NCKAP5: variants seen among roughly 807,000 people sequenced by gnomAD.
NCKAP5 encodes the protein NCK associated protein 5.
In NCKAP5, 92 loss-of-function variants were observed where a neutral mutation model predicts 167.0. That is an observed-to-expected ratio of 0.55 (90% confidence interval 0.47 to 0.66). The LOEUF is 0.66. NCKAP5 is among the 30% of genes least tolerant of loss of function. The pLI, the probability that NCKAP5 is intolerant of heterozygous loss-of-function variation, is 0.00. For synonymous variants in NCKAP5, 891 were observed against 877.4 expected (o/e 1.02, Z -0.27); for missense variants, 2,378 against 2,315.0 (o/e 1.03, Z -0.56).
chr2:133,495,638 G>T (rs1007675267), intron 3 of NCKAP5, among the ~76,000 whole-genome samples: 1 of 152,096 alleles, frequency 6.6e-6, no homozygotes, highest in Non-Finnish European at 1.5e-5. Context: ...AAAAAGCTCC[G>T]AACTACTGAA....
intron 3 of NCKAP5, among the ~76,000 whole-genome samples, chr2:133,356,507 G>A (rs1684726646): frequency 6.6e-6 from 1 of 152,196 alleles, no homozygotes; most frequent in Non-Finnish European, 1.5e-5. Flanking sequence ...TCAATGGCAT[G>A]ATGTTGAAAA....
At chr2:132,954,515 A>G in intron 8 of NCKAP5, 1 of 365,012 alleles carries the variant, frequency 2.7e-6, no homozygotes, top group South Asian at 2.2e-5. Context: ...GAACATTATA[A>G]TATTGAAATA....
intron 16 of NCKAP5, among the ~76,000 whole-genome samples, chr2:132,764,801 C>T (rs944152090): frequency 6.6e-6 from 1 of 152,226 alleles, no homozygotes; most frequent in South Asian, 2.1e-4. Flanking sequence ...ATGTGACATT[C>T]GACTTAAGCA....
intron 5 of NCKAP5, among the ~76,000 whole-genome samples, chr2:133,199,563 C>A (rs766548583): frequency 1.3e-5 from 2 of 152,006 alleles, no homozygotes; most frequent in African/African-American, 4.8e-5. Flanking sequence ...ATAAAACTGA[C>A]TATTTCAAAT....
At chr2:132,774,089 A>G (rs1682336181) in intron 15 of NCKAP5, among the ~76,000 whole-genome samples, 195 bp from the exon 16 acceptor site, 1 of 152,170 alleles carries the variant, frequency 6.6e-6, no homozygotes, top group African/African-American at 2.4e-5. Flanking sequence ...GCACTCCATC[A>G]TTTGGCTTTA....
rs1689250249 is a variant in NCKAP5, at chr2:132,853,692, C to T, written c.807+6800G>A. Among the ~76,000 whole-genome samples the T allele has an allele frequency of 2.6e-5, 4 of 152,104 alleles. 1 individual carries two copies. In the South Asian group the frequency reaches 8.3e-4, roughly 32 times the overall value. On this transcript the variant is annotated intron_variant, in intron 11 of 19. Coordinates refer to ENST00000409261, the MANE Select transcript of NCKAP5 (RefSeq NM_207363.3). ...AATATGGAAACATCAGTCCCCCTGACCAAAGGCACATTCATATAATACAAT... is the reference window on the plus strand; with the variant it reads ...AATATGGAAACATCAGTCCCCCTGATCAAAGGCACATTCATATAATACAAT...
chr2:132,798,854 G>T (rs765383357), intron 11 of NCKAP5, among the ~76,000 whole-genome samples: 1 of 152,054 alleles, frequency 6.6e-6, no homozygotes, highest in Non-Finnish European at 1.5e-5. Context: ...AAGAAAGATG[G>T]AAAAACTTAA....
intron 8 of NCKAP5, among the ~76,000 whole-genome samples, chr2:132,938,020 C>T (rs368982180): frequency 6.6e-6 from 1 of 152,240 alleles, no homozygotes; most frequent in South Asian, 2.1e-4. Context: ...GTGGACTAAA[C>T]AAAGCTATTC....
chr2:133,294,294 G>A (rs754609788), intron 4 of NCKAP5, among the ~76,000 whole-genome samples: 8 of 152,222 alleles, frequency 5.3e-5, no homozygotes, highest in East Asian at 1.9e-4. Flanking sequence ...AATACTCGGC[G>A]TCCCCTTAGT....
At chr2:132,907,880 A>G (rs1694127697) in intron 8 of NCKAP5, among the ~76,000 whole-genome samples, 1 of 151,610 alleles carries the variant, frequency 6.6e-6, no homozygotes, top group South Asian at 2.1e-4. Context: ...GATGGTCTCG[A>G]TCTCCTGACC....
Position 133,016,240 on chromosome 2 carries a change from C to G in NCKAP5, c.342-22001G>C, listed in dbSNP as rs557272854. On this transcript the variant is annotated intron_variant, in intron 6 of 19. Transcript: ENST00000409261. ...GATCAATGCCAATGACCCTGAGGCC[C>G]AGGCCTACACACAAAAGAGCTTGGT... Among the ~76,000 whole-genome samples the G allele has an allele frequency of 2.0e-5, 3 of 152,256 alleles. No homozygotes were observed. The South Asian group carries it at 6.2e-4, about 32-fold the overall frequency.
intron 8 of NCKAP5, among the ~76,000 whole-genome samples, chr2:132,943,470 T>C (rs1249715852): frequency 6.6e-6 from 1 of 152,206 alleles, no homozygotes; most frequent in Non-Finnish European, 1.5e-5. Flanking sequence ...AGTGAGGAAG[T>C]GTGATAACAT....
intron 3 of NCKAP5, among the ~76,000 whole-genome samples, chr2:133,485,732 C>G (rs1680849324): frequency 6.6e-6 from 1 of 152,086 alleles, no homozygotes; most frequent in African/African-American, 2.4e-5. Context: ...AAATATATCA[C>G]TAGTGATGGA....
At chr2:132,975,996 G>A (rs2076967429) in intron 7 of NCKAP5, among the ~76,000 whole-genome samples, 1 of 152,162 alleles carries the variant, frequency 6.6e-6, no homozygotes. Context: ...CTCACTTACA[G>A]CAGCCATGTG....
At chr2:133,462,501 C>T (rs7564332) in intron 3 of NCKAP5, among the ~76,000 whole-genome samples, 81,236 of 152,036 alleles carry the variant, frequency 0.53, 23,267 homozygotes, top group African/African-American at 0.73. Context: ...AGAATGGAAT[C>T]TCTGGTCCAA....
At chr2:133,036,702 A>T (rs1332357478) in intron 6 of NCKAP5, among the ~76,000 whole-genome samples, 1 of 152,072 alleles carries the variant, frequency 6.6e-6, no homozygotes. Flanking sequence ...ACAGACCCAC[A>T]GTTAGTATCA....
At chr2:133,575,009 A>G in the NCKAP5 span, among the ~76,000 whole-genome samples, 1 of 152,144 alleles carries the variant, frequency 6.6e-6, no homozygotes, top group Admixed American at 6.5e-5. Context: ...AAAGAGAGAA[A>G]ATGGTCATCA....
intron 5 of NCKAP5, among the ~76,000 whole-genome samples, chr2:133,149,985 ATTGTTTATTCACTGATAGCC>A (rs1362850593): frequency 6.6e-6 from 1 of 152,138 alleles, no homozygotes; most frequent in African/African-American, 2.4e-5. Context: ...CCTCCAATCA[ATTGTTTATTCACTGATAGCC>A]TTGACAGGAA....
chr2:133,644,506 G>A, the NCKAP5 span, among the ~76,000 whole-genome samples: 143 of 152,226 alleles, frequency 9.4e-4, no homozygotes, highest in Admixed American at 3.4e-3. Flanking sequence ...GTTCACCCAC[G>A]TTGGAATGGG....
Sources: gnomAD v4.1 joint callset for allele counts (sites outside exome capture counted in the v4.1 genomes callset) on GRCh38, gnomAD v4.1.1 for gene constraint, MANE v1.5 for transcripts, NCBI Gene and HGNC (gene_info 2026-07-23, HGNC 2026-07-21) for gene names.